ITPR1: variants seen among roughly 807,000 people sequenced by gnomAD.
ITPR1 encodes the protein inositol 1,4,5-trisphosphate receptor type 1.
Under a neutral mutation model 318.4 loss-of-function variants are expected in ITPR1, and 96 were observed. The ratio of observed to expected loss-of-function variants is 0.30; its 90% CI spans 0.26 to 0.36. The LOEUF (loss-of-function observed/expected upper bound fraction) is 0.36. Among genes scored for constraint, ITPR1 ranks in the 10% least tolerant of loss-of-function variants. The pLI, the probability that ITPR1 is intolerant of heterozygous loss-of-function variation, is 1.00. For missense variants in ITPR1, 2,440 were observed against 3,460.2 expected, an observed-to-expected ratio of 0.71 and a Z score of 7.40; for synonymous variants, 1,312 against 1,289.9, an observed-to-expected ratio of 1.02 and a Z score of -0.37.
intron 2 of ITPR1, among the ~76,000 whole-genome samples, chr3:4,505,802 T>C (rs777234642): frequency 6.6e-5 from 10 of 152,196 alleles, no homozygotes; most frequent in Non-Finnish European, 1.0e-4. Flanking sequence ...TCTGGTTTTA[T>C]TAGGAATAGT....
intron 2 of ITPR1, among the ~76,000 whole-genome samples, chr3:4,510,539 A>G (rs917407704): frequency 1.3e-5 from 2 of 152,164 alleles, no homozygotes; most frequent in Non-Finnish European, 2.9e-5. Flanking sequence ...GCAAAAATTG[A>G]TGCTGGATTA....
chr3:4,775,717 A>G (rs1460950447), intron 47 of ITPR1, among the ~76,000 whole-genome samples: 9 of 152,218 alleles, frequency 5.9e-5, no homozygotes. Context: ...ATTTAACTTG[A>G]TTTCTAGGAG....
chr3:4,512,402 C>T (rs1485801189), intron 2 of ITPR1, among the ~76,000 whole-genome samples: 1 of 152,154 alleles, frequency 6.6e-6, no homozygotes, highest in Non-Finnish European at 1.5e-5. Flanking sequence ...AGGGTTCCTT[C>T]CAACTTTTAT....
chr3:4,781,214 G>A (rs917432322), intron 49 of ITPR1, among the ~76,000 whole-genome samples: 11 of 152,206 alleles, frequency 7.2e-5, no homozygotes, highest in African/African-American at 2.7e-4. Flanking sequence ...GTGGCCTTTG[G>A]TATTAGATAA....
At chr3:4,682,017 A>G (rs2094312861) in intron 26 of ITPR1, among the ~76,000 whole-genome samples, 1 of 152,236 alleles carries the variant, frequency 6.6e-6, no homozygotes, top group Non-Finnish European at 1.5e-5. Flanking sequence ...ATATGCACAT[A>G]GTTCTTATAA....
At chr3:4,691,108 CT>C in intron 31 of ITPR1, 35 bp from the exon 32 acceptor site, 1 of 1,468,060 alleles carries the variant, frequency 6.8e-7, no homozygotes, top group Non-Finnish European at 9.3e-7. Flanking sequence ...AGCTTTTTGA[CT>C]TGTCCCTGTG....
intron 4 of ITPR1, among the ~76,000 whole-genome samples, chr3:4,584,822 T>C (rs2089720520): frequency 6.6e-6 from 1 of 151,966 alleles, no homozygotes; most frequent in South Asian, 2.1e-4. Flanking sequence ...GGAGTGTAGG[T>C]GTGAAGTTAA....
chr3:4,797,005 C>G lies in ITPR1; in HGVS notation c.6931+1818C>G, dbSNP rs569075160. Reference sequence around the variant, plus strand: ...ATGACTATCGAGGGTCCTTCCAACTCTAAAATGGTGCATTCTGAATGAGCC... The same window carrying G: ...ATGACTATCGAGGGTCCTTCCAACTGTAAAATGGTGCATTCTGAATGAGCC... On this transcript the variant is annotated intron_variant, in intron 53 of 61. Transcript: ENST00000649015. Among the ~76,000 whole-genome samples the G allele has an allele frequency of 2.6e-5, 4 of 152,212 alleles. No individual in the cohort carries two copies. In the South Asian group the frequency reaches 8.3e-4, roughly 32 times the overall value.
chr3:4,522,622 C>T (rs1331096464), intron 4 of ITPR1, among the ~76,000 whole-genome samples: 1 of 152,180 alleles, frequency 6.6e-6, no homozygotes, highest in South Asian at 2.1e-4. Flanking sequence ...TCTTCTCAAT[C>T]CTTCTTTCAT....
At chr3:4,520,874 TAGGAA>T (rs1246972081) in intron 3 of ITPR1, 145 bp from the exon 4 acceptor site, 6 of 666,300 alleles carry the variant, frequency 9.0e-6, no homozygotes, top group Non-Finnish European at 1.7e-5. Context: ...GATCCATGCA[TAGGAA>T]GCCTCTAGTG....
At chr3:4,745,660 C>G (rs2044051760) in intron 44 of ITPR1, among the ~76,000 whole-genome samples, 1 of 152,180 alleles carries the variant, frequency 6.6e-6, no homozygotes. Flanking sequence ...TCATCTACTG[C>G]CCAGGCCTCC....
intron 41 of ITPR1, 26 bp downstream of exon 41, chr3:4,725,607 C>T (rs749308647): frequency 9.5e-6 from 15 of 1,586,428 alleles, no homozygotes; most frequent in East Asian, 2.2e-5. Flanking sequence ...ATATTTGTAG[C>T]GCCAGCGCCA....
Position 4,677,908 on chromosome 3 carries a change from C to T in ITPR1, c.2967+1107C>T, listed in dbSNP as rs1056184381. Among the ~76,000 whole-genome samples the T allele has an allele frequency of 1.6e-4, 22 of 133,660 alleles. 1 individual carries two copies. The highest frequency in any genetic ancestry group is 4.8e-4 in the African/African-American group (18 of 37,458). 87.7% of individuals were successfully genotyped at this position (133,660 alleles called of 152,430 possible). A position where few individuals can be genotyped will look rare whatever the true frequency, so the allele number is the denominator to read the frequency against. ...TCGTAGGCATGAAACCCTCCCAAGC[C>T]TCTCTACAGCTTTGAACCCCACCCG... On this transcript the variant is annotated intron_variant, in intron 24 of 61. Coordinates refer to ENST00000649015, the MANE Select transcript of ITPR1 (RefSeq NM_001378452.1).
chr3:4,771,578 C>T (rs1424520718), intron 46 of ITPR1, among the ~76,000 whole-genome samples: 1 of 152,152 alleles, frequency 6.6e-6, no homozygotes, highest in Non-Finnish European at 1.5e-5. Flanking sequence ...TAGTTTTATA[C>T]CTTAGCTTTC....
intron 5 of ITPR1, among the ~76,000 whole-genome samples, chr3:4,635,567 G>A (rs879911932): frequency 1.8e-4 from 28 of 151,524 alleles, no homozygotes; most frequent in Admixed American, 1.2e-3. Context: ...GGATGGTCTC[G>A]ATCTCCTGAC....
At chr3:4,543,998 T>C (rs1421091813) in intron 4 of ITPR1, among the ~76,000 whole-genome samples, 1 of 152,222 alleles carries the variant, frequency 6.6e-6, no homozygotes, top group Non-Finnish European at 1.5e-5. Context: ...TTTGCTTTCA[T>C]GATAAGGAAT....
At chr3:4,802,877 T>A (rs1489092141) in intron 54 of ITPR1, among the ~76,000 whole-genome samples, 2 of 148,408 alleles carry the variant, frequency 1.3e-5, no homozygotes, top group African/African-American at 2.5e-5. Context: ...GAAAGAGAGA[T>A]GAGGAAATAG....
chr3:4,725,521 C>T lies in ITPR1; in HGVS notation c.5137-25C>T, dbSNP rs149188992. The T allele has an allele frequency of 4.1e-5, 66 of 1,594,644 alleles. No individual in the cohort carries two copies. The East Asian group carries it at 1.2e-3, about 29-fold the overall frequency. ...CACGAGATGCAAGTGCCATGACTAA[C>T]GTACTTCGTTTTACTCCCAATTAGC... On this transcript the variant is annotated intron_variant, in intron 40 of 61. Coordinates refer to ENST00000649015, the MANE Select transcript of ITPR1 (RefSeq NM_001378452.1).
At chr3:4,748,808 G>A (rs1413119584) in intron 44 of ITPR1, among the ~76,000 whole-genome samples, 1 of 152,332 alleles carries the variant, frequency 6.6e-6, no homozygotes, top group Non-Finnish European at 1.5e-5. Context: ...GCTGCAGAGC[G>A]GAGGTTGTAT....
Sources: allele counts gnomAD v4.1 joint callset (sites outside exome capture counted in the v4.1 genomes callset), GRCh38; gene constraint gnomAD v4.1.1; transcripts MANE v1.5; gene names NCBI Gene and HGNC (gene_info 2026-07-23, HGNC 2026-07-21).